The following NIN variants were observed in gnomAD, a reference collection of about 807,000 sequenced individuals.
The protein encoded by NIN is ninein, also known as glycogen synthase kinase 3 beta-interacting protein.
In NIN, 137 loss-of-function variants were observed where a neutral mutation model predicts 257.6. That is an observed-to-expected ratio of 0.53 (90% CI 0.46 to 0.61). The LOEUF is 0.61. Ranked by LOEUF, NIN falls within the 20% of genes least tolerant of loss-of-function variation. NIN has a pLI of 0.00. For missense variants in NIN, 2,439 were observed against 2,501.2 expected, an observed-to-expected ratio of 0.98 and a Z score of 0.53; for synonymous variants, 918 against 919.8, an observed-to-expected ratio of 1.00 and a Z score of 0.04.
At chr14:50,819,231 A>T (rs2045081085) in intron 3 of NIN, among the ~76,000 whole-genome samples, 1 of 152,248 alleles carries the variant, frequency 6.6e-6, no homozygotes, top group Non-Finnish European at 1.5e-5. Context: ...AAGCCAACTT[A>T]ATGGAAAACT....
At chr14:50,796,844 C>T (rs2043861826) in intron 4 of NIN, among the ~76,000 whole-genome samples, 1 of 152,098 alleles carries the variant, frequency 6.6e-6, no homozygotes, top group South Asian at 2.1e-4. Context: ...AAAGCTCTCC[C>T]CTAAAACTGA....
At chr14:50,806,586 G>C in intron 4 of NIN, 151 bp downstream of exon 4, 5 of 518,642 alleles carry the variant, frequency 9.6e-6, no homozygotes, top group Non-Finnish European at 1.4e-5. Flanking sequence ...AAGCTTTTAT[G>C]ATAATATTGA....
In NIN at chr14:50,756,402, G is replaced by A. The variant is rs2042028457; in HGVS notation, c.4538+90C>T. ...CTGCTCTCTTCGTGAAGACTACTAG[G>A]TTAGTTTCTCTAGGCACGGCAAGCA... On this transcript the variant is annotated intron_variant, in intron 18 of 30. Transcript: ENST00000530997. 2.2e-6 allele frequency: 3 copies of A among 1,364,980 alleles called. No homozygotes were observed. The African/African-American group carries it at 4.4e-5, about 20-fold the overall frequency. The allele number at this position is 1,364,980 out of a possible 1,614,324, so 84.6% of individuals were successfully genotyped here.
chr14:50,771,577 A>T (rs2042734318), intron 9 of NIN, 109 bp from the exon 10 acceptor site: 1 of 1,154,768 alleles, frequency 8.7e-7, no homozygotes, highest in African/African-American at 1.5e-5. Flanking sequence ...ATGATCTAGC[A>T]ATTAGACAAT....
chr14:50,736,445 A>G (rs529615356), intron 27 of NIN, among the ~76,000 whole-genome samples: 2 of 152,208 alleles, frequency 1.3e-5, no homozygotes, highest in South Asian at 2.1e-4. Flanking sequence ...CCTCACTTTT[A>G]TAACTCTTTA....
intron 17 of NIN, among the ~76,000 whole-genome samples, chr14:50,759,322 C>A (rs1474224920): frequency 6.6e-6 from 1 of 152,144 alleles, no homozygotes; most frequent in Non-Finnish European, 1.5e-5. Context: ...AATCTTAATA[C>A]GAGGAATACT....
rs2040266213 is a variant in NIN, at chr14:50,721,323, C to T, written c.*2140G>A. The stretch of plus-strand genomic sequence containing the variant: ...ACATTCATTGTACATTTTATATACA[C>T]ATAAATACAAATTTATAGGAAATAA... On this transcript the variant is annotated 3_prime_UTR_variant, in exon 31 of 31. Coordinates refer to ENST00000530997, the MANE Select transcript of NIN (RefSeq NM_020921.4). 1 of 205,834 alleles carries T rather than the reference C, an allele frequency of 4.9e-6. No individual in the cohort carries two copies. The allele number at this position is 205,834 out of a possible 1,614,324, so 12.8% of individuals were successfully genotyped here.
chr14:50,826,444 G>A (rs1406013497), intron 2 of NIN, among the ~76,000 whole-genome samples: 2 of 152,136 alleles, frequency 1.3e-5, no homozygotes, highest in African/African-American at 2.4e-5. Context: ...CAATTATTCT[G>A]AGCATTTTCC....
In NIN at chr14:50,738,182, C is replaced by G. The variant is rs753636069; in HGVS notation, c.5733G>C (p.Glu1911Asp). The G allele has an allele frequency of 1.9e-6, 3 of 1,614,016 alleles. No homozygotes were observed. Among genetic ancestry groups the G allele is most frequent in the East Asian group, 4.5e-5 (2 of 44,884 alleles). ...ATTGTTCTTTCTGAAACTGATCACACTCTCTCTTTAAGCTCAATTTTTCTT... is the reference window on the plus strand; with the variant it reads ...ATTGTTCTTTCTGAAACTGATCACAGTCTCTCTTTAAGCTCAATTTTTCTT... ...TEQEKLSLKRECDQFQKEQSP... is the reference protein window; with the variant it reads ...TEQEKLSLKRDCDQFQKEQSP... The change falls in exon 27 of 31, where the codon GAG becomes GAC. Residue 1911 changes from glutamate to aspartate, a missense_variant. Glu to Asp is a conservative substitution (Grantham distance 45). Transcript: ENST00000530997.
chr14:50,725,858 C>T (rs986360504), intron 30 of NIN, 95 bp downstream of exon 30: 6 of 1,604,090 alleles, frequency 3.7e-6, no homozygotes, highest in Non-Finnish European at 5.1e-6. Flanking sequence ...TATTAGACAA[C>T]ATAAGTTAAC....
At chr14:50,724,697 G>A (rs1011597222) in intron 30 of NIN, among the ~76,000 whole-genome samples, 7 of 152,138 alleles carry the variant, frequency 4.6e-5, no homozygotes, top group African/African-American at 1.2e-4. Flanking sequence ...CCAGGACAGT[G>A]TGAACTGGCA....
At chr14:50,761,033 C>T (rs919519958) in intron 16 of NIN, among the ~76,000 whole-genome samples, 4 of 152,064 alleles carry the variant, frequency 2.6e-5, no homozygotes, top group African/African-American at 9.7e-5. Context: ...TTGCAGGCCT[C>T]GGAATACAAC....
chr14:50,811,718 G>A (rs941095416), intron 3 of NIN, among the ~76,000 whole-genome samples: 2 of 151,688 alleles, frequency 1.3e-5, no homozygotes, highest in African/African-American at 2.4e-5. Context: ...TTAGCAACAC[G>A]GTGAAATCCC....
Position 50,777,004 on chromosome 14 carries a change from C to T in NIN, c.611G>A (p.Arg204Gln), listed in dbSNP as rs145428317. Reference sequence around the variant, plus strand: ...CTCACAGATGGAGACCAGCTTCTTCCGGTTCAGGTGACCATCACGGGTGAT... The same window carrying T: ...CTCACAGATGGAGACCAGCTTCTTCTGGTTCAGGTGACCATCACGGGTGAT... ...LGITRDGHLN[R>Q]KKLVSICEQY... is the part of the protein sequence containing the mutation. Residue 204 changes from arginine (R) to glutamine (Q), a missense_variant, in exon 7 of 31, where the codon CGG (arginine) becomes CAG (glutamine). By Grantham distance (43) the Arg-to-Gln change is conservative. Coordinates refer to ENST00000530997, the MANE Select transcript of NIN (RefSeq NM_020921.4). 1.2e-5 allele frequency: 20 copies of T among 1,614,070 alleles called. No homozygotes were observed. The highest frequency in any genetic ancestry group is 1.6e-4 in the Middle Eastern group (1 of 6,084).
chr14:50,751,706 T>C (rs1236786219), intron 21 of NIN, among the ~76,000 whole-genome samples: 1 of 152,170 alleles, frequency 6.6e-6, no homozygotes, highest in Non-Finnish European at 1.5e-5. Flanking sequence ...TTTAAACTTT[T>C]TGTAGAGATG....
chr14:50,777,179 T>C (rs755778676), intron 6 of NIN, 40 bp from the exon 7 acceptor site: 2 of 1,486,392 alleles, frequency 1.3e-6, no homozygotes, highest in Non-Finnish European at 1.8e-6. Context: ...CCAAAGGAAT[T>C]GCAAAGAGAG....
chr14:50,783,119 C>T (rs1011731220), intron 5 of NIN, among the ~76,000 whole-genome samples: 2 of 152,148 alleles, frequency 1.3e-5, no homozygotes, highest in Non-Finnish European at 2.9e-5. Context: ...AAGACGGAGT[C>T]TCACTCTGTT....
chr14:50,731,649 G>A (rs749172434), intron 28 of NIN, among the ~76,000 whole-genome samples: 3 of 151,844 alleles, frequency 2.0e-5, no homozygotes, highest in Non-Finnish European at 1.5e-5. Context: ...TCCTGGCAAC[G>A]TGGTGAAATG....
At chr14:50,762,119 T>C (rs1471566377) in intron 15 of NIN, among the ~76,000 whole-genome samples, 2 of 152,212 alleles carry the variant, frequency 1.3e-5, no homozygotes, top group Non-Finnish European at 2.9e-5. Flanking sequence ...GGTGAACAGA[T>C]TCTTTCATGT....
Sources: gnomAD v4.1 joint callset for allele counts (sites outside exome capture counted in the v4.1 genomes callset) on GRCh38, gnomAD v4.1.1 for gene constraint, MANE v1.5 for transcripts, NCBI Gene and HGNC (gene_info 2026-07-23, HGNC 2026-07-21) for gene names.